ADAM23: variants seen among roughly 807,000 people sequenced by gnomAD.
ADAM23 encodes disintegrin and metalloproteinase domain-containing protein 23.
In ADAM23, 33 loss-of-function variants were observed where a neutral mutation model predicts 120.1. The observed-to-expected ratio is 0.27, with a 90% CI of 0.21 to 0.37. The LOEUF is 0.37. Ranked by LOEUF, ADAM23 falls within the 10% of genes least tolerant of loss-of-function variation. The pLI is 1.00. For missense variants in ADAM23, 862 were observed against 1,058.2 expected (o/e 0.81, Z 2.57); for synonymous variants, 367 against 375.2 (o/e 0.98, Z 0.25).
At chr2:206,533,931 T>C (rs191828647) in intron 4 of ADAM23, among the ~76,000 whole-genome samples, 1 of 152,366 alleles carries the variant, frequency 6.6e-6, no homozygotes, top group East Asian at 1.9e-4. Flanking sequence ...TTTAAGTTCC[T>C]ACCAGTGCTT....
At chr2:206,499,681 A>G (rs1696347558) in intron 3 of ADAM23, among the ~76,000 whole-genome samples, 1 of 152,112 alleles carries the variant, frequency 6.6e-6, no homozygotes, top group East Asian at 1.9e-4. Context: ...TTTACATGTG[A>G]TCTTACTCCT....
intron 10 of ADAM23, among the ~76,000 whole-genome samples, chr2:206,557,793 A>G (rs1257103432): frequency 1.3e-5 from 2 of 152,170 alleles, no homozygotes; most frequent in African/African-American, 4.8e-5. Flanking sequence ...ACCAAAATCT[A>G]TTTGCTATTA....
At chr2:206,497,201 A>G (rs1313991483) in intron 3 of ADAM23, among the ~76,000 whole-genome samples, 4 of 152,208 alleles carry the variant, frequency 2.6e-5, no homozygotes, top group Non-Finnish European at 5.9e-5. Flanking sequence ...CACAACGAAA[A>G]AAGAGAATTT....
At chr2:206,478,988 C>T (rs1695840230) in intron 2 of ADAM23, among the ~76,000 whole-genome samples, 1 of 152,190 alleles carries the variant, frequency 6.6e-6, no homozygotes, top group Non-Finnish European at 1.5e-5. Flanking sequence ...GTTGTACCTG[C>T]CCCTCTGGAG....
intron 6 of ADAM23, among the ~76,000 whole-genome samples, chr2:206,547,064 T>A (rs1697413499): frequency 6.6e-6 from 1 of 152,194 alleles, no homozygotes; most frequent in South Asian, 2.1e-4. Context: ...ATCAGTTTTA[T>A]GGCAAAAGTT....
chr2:206,497,027 A>G (rs1696267099), intron 3 of ADAM23, among the ~76,000 whole-genome samples: 1 of 152,240 alleles, frequency 6.6e-6, no homozygotes, highest in African/African-American at 2.4e-5. Flanking sequence ...ACCAACCAAA[A>G]AAAGTCCAGG....
intron 4 of ADAM23, among the ~76,000 whole-genome samples, chr2:206,537,759 C>A (rs1159253179): frequency 6.6e-6 from 1 of 152,060 alleles, no homozygotes; most frequent in Non-Finnish European, 1.5e-5. Flanking sequence ...GACTCTTTTA[C>A]TTGCGTGTAC....
intron 4 of ADAM23, among the ~76,000 whole-genome samples, chr2:206,536,691 T>C (rs573550288): frequency 1.3e-5 from 2 of 152,334 alleles, no homozygotes; most frequent in African/African-American, 4.8e-5. Flanking sequence ...AATATCATGT[T>C]GTATATTTTA....
chr2:206,557,525 G>GTGTGCCAAGATGGAATGGTT, intron 10 of ADAM23, 27 bp downstream of exon 10: 1 of 1,573,106 alleles, frequency 6.4e-7, no homozygotes, highest in East Asian at 2.2e-5. Flanking sequence ...TCTTGAATTT[G>GTGTGCCAAGATGGAATGGTT]TGTGCCAAGA....
chr2:206,480,708 C>T (rs1172703045), intron 2 of ADAM23, among the ~76,000 whole-genome samples: 3 of 152,026 alleles, frequency 2.0e-5, no homozygotes, highest in Non-Finnish European at 4.4e-5. Flanking sequence ...TCTCAGTATT[C>T]ACAAAAGGCC....
intron 9 of ADAM23, among the ~76,000 whole-genome samples, chr2:206,554,866 C>G (rs1021601227): frequency 6.6e-5 from 10 of 152,130 alleles, no homozygotes; most frequent in African/African-American, 2.4e-4. Context: ...ATTGTTCTGT[C>G]CTTGTCTTAC....
chr2:206,511,073 A>G (rs1205537605), intron 3 of ADAM23, among the ~76,000 whole-genome samples: 3 of 152,090 alleles, frequency 2.0e-5, no homozygotes, highest in East Asian at 1.9e-4. Context: ...TATCATCTCT[A>G]TACCATTTTA....
chr2:206,506,595 A>G (rs904085530), intron 3 of ADAM23, among the ~76,000 whole-genome samples: 6 of 152,174 alleles, frequency 3.9e-5, no homozygotes, highest in Admixed American at 1.3e-4. Flanking sequence ...TCTTTCAAGC[A>G]TTTCGTCAGT....
At chr2:206,551,771 A>G (rs190300827) in intron 9 of ADAM23, among the ~76,000 whole-genome samples, 1 of 152,344 alleles carries the variant, frequency 6.6e-6, no homozygotes, top group African/African-American at 2.4e-5. Context: ...GTTTTCCATT[A>G]ACTATCAGTT....
intron 25 of ADAM23, among the ~76,000 whole-genome samples, chr2:206,614,386 C>T (rs1292198855): frequency 6.6e-6 from 1 of 152,106 alleles, no homozygotes; most frequent in Non-Finnish European, 1.5e-5. Context: ...TTATCTGAAG[C>T]TGGGCATGGT....
intron 15 of ADAM23, among the ~76,000 whole-genome samples, chr2:206,569,199 G>A (rs1697948765): frequency 6.6e-6 from 1 of 152,194 alleles, no homozygotes; most frequent in Non-Finnish European, 1.5e-5. Flanking sequence ...CACTTGTTTG[G>A]AAAGGTTAAG....
intron 2 of ADAM23, among the ~76,000 whole-genome samples, chr2:206,463,088 A>C (rs1397355981): frequency 6.6e-6 from 1 of 152,220 alleles, no homozygotes; most frequent in Non-Finnish European, 1.5e-5. Flanking sequence ...ATTGTAGGCT[A>C]GAAGAGGAGA....
At position 206,596,157 on chromosome 2, in the gene ADAM23, C is replaced by T; in HGVS notation, c.2354C>T (p.Pro785Leu). 1 of 1,613,134 alleles carries T rather than the reference C, an allele frequency of 6.2e-7. No individual in the cohort carries two copies. The highest frequency in any genetic ancestry group is 8.5e-7 in the Non-Finnish European group (1 of 1,179,444). ...RNLHPPKDEG[P>L]KGPSATNLII... is the part of the protein sequence containing the mutation. ...CTTCACCCCCCCAAGGATGAAGGACCCAAGGGTTTGTGTGATTTTGGTTTC... is the reference window on the plus strand; with the variant it reads ...CTTCACCCCCCCAAGGATGAAGGACTCAAGGGTTTGTGTGATTTTGGTTTC... Residue 785 changes from proline to leucine, a missense_variant, in exon 24 of 26, where the codon CCC (proline) becomes CTC (leucine). By Grantham distance (98) the Pro-to-Leu change is moderately conservative (BLOSUM62 -3). This residue lies in a region of ADAM23 where 617 missense variants were observed against 813.5 expected (regional missense o/e 0.76). Transcript: ENST00000264377.
At chr2:206,591,569 G>A (rs1052922718) in intron 21 of ADAM23, among the ~76,000 whole-genome samples, 1 of 152,022 alleles carries the variant, frequency 6.6e-6, no homozygotes, top group Non-Finnish European at 1.5e-5. Context: ...CATTTAGTTT[G>A]TTTTCATTTT....
Sources: gnomAD v4.1 joint callset for allele counts (sites outside exome capture counted in the v4.1 genomes callset) on GRCh38, gnomAD v4.1.1 for gene constraint, gnomAD v4.1.1 regional missense constraint, MANE v1.5 for transcripts, NCBI Gene and HGNC (gene_info 2026-07-23, HGNC 2026-07-21) for gene names.